Variants in AFAP1L1 observed in about 807,000 individuals in gnomAD.
AFAP1L1 encodes actin filament-associated protein 1-like 1.
AFAP1L1 carries 77 observed loss-of-function variants against 99.8 expected under a neutral mutation model. The ratio of observed to expected loss-of-function variants is 0.77; its 90% CI spans 0.64 to 0.93. The LOEUF is 0.93. AFAP1L1 is among the 40% of genes least tolerant of loss of function. The probability of loss-of-function intolerance (pLI) is 0.00; values close to 1 mark genes in which losing one functional copy is unlikely to be tolerated. For missense variants in AFAP1L1, 893 were observed against 996.8 expected (o/e 0.90, Z 1.40); for synonymous variants, 373 against 395.3 (o/e 0.94, Z 0.67).
chr5:149,306,717 T>C (rs1267628928), intron 6 of AFAP1L1, among the ~76,000 whole-genome samples: 1 of 152,168 alleles, frequency 6.6e-6, no homozygotes, highest in East Asian at 1.9e-4. Flanking sequence ...TTGCTGAAAA[T>C]AACGAGAGAC....
Position 149,342,523 on chromosome 5 carries a change from T to C in AFAP1L1, c.*2493T>C, listed in dbSNP as rs1757584647. Among the ~76,000 whole-genome samples, 1 of 152,194 alleles carries C rather than the reference T, an allele frequency of 6.6e-6. No homozygotes were observed. On this transcript the variant is annotated 3_prime_UTR_variant, in exon 19 of 19. Transcript: ENST00000296721. ...CTTAATAAATAGACGAATGAATGCA[T>C]GGATGCAAGCAGCAACCTGGTGAAC...
At chr5:149,309,191 TTACATTAAGGAGATC>T (rs1433852561) in intron 7 of AFAP1L1, among the ~76,000 whole-genome samples, 2 of 152,208 alleles carry the variant, frequency 1.3e-5, no homozygotes, top group African/African-American at 4.8e-5. Context: ...TTCCTTATTA[TTACATTAAGGAGATC>T]CCTCTATTCT....
At chr5:149,282,988 A>G (rs900554567) in intron 1 of AFAP1L1, among the ~76,000 whole-genome samples, 2 of 152,210 alleles carry the variant, frequency 1.3e-5, no homozygotes, top group African/African-American at 4.8e-5. Context: ...GAATGAGAAC[A>G]CTGAGCACAG....
At chr5:149,316,033 C>T in intron 10 of AFAP1L1, 118 bp from the exon 11 acceptor site, 1 of 1,574,080 alleles carries the variant, frequency 6.4e-7, no homozygotes, top group South Asian at 1.1e-5. Context: ...GGTGACCTGG[C>T]CTGCCATCCC....
intron 1 of AFAP1L1, among the ~76,000 whole-genome samples, chr5:149,277,829 CCA>C (rs1755385820): frequency 6.6e-6 from 1 of 152,164 alleles, no homozygotes; most frequent in Admixed American, 6.5e-5. Flanking sequence ...CAGAATTTAA[CCA>C]CACTCTGCAA....
At chr5:149,322,787 C>A in intron 15 of AFAP1L1, 70 bp downstream of exon 15, 1 of 1,272,240 alleles carries the variant, frequency 7.9e-7, no homozygotes. Context: ...GGAGGGATCT[C>A]AAAATCAGTT....
chr5:149,285,920 A>G (rs1370075817), intron 1 of AFAP1L1, among the ~76,000 whole-genome samples: 2 of 152,134 alleles, frequency 1.3e-5, no homozygotes, highest in Non-Finnish European at 1.5e-5. Flanking sequence ...GCCCCTCCCC[A>G]GTGCACCTGC....
At chr5:149,327,569 G>A (rs1337199763) in intron 15 of AFAP1L1, among the ~76,000 whole-genome samples, 1 of 151,592 alleles carries the variant, frequency 6.6e-6, no homozygotes, top group African/African-American at 2.4e-5. Flanking sequence ...ATATTGATGG[G>A]GCCTCCAATA....
At chr5:149,312,014 A>T in intron 8 of AFAP1L1, 98 bp from the exon 9 acceptor site, 1 of 1,108,802 alleles carries the variant, frequency 9.0e-7, no homozygotes. Flanking sequence ...AGTGGCCCTG[A>T]CCCTCTGTTC....
At chr5:149,275,088 A>T (rs1452869447) in intron 1 of AFAP1L1, among the ~76,000 whole-genome samples, 2 of 152,046 alleles carry the variant, frequency 1.3e-5, no homozygotes, top group African/African-American at 4.8e-5. Context: ...TAATAACTGA[A>T]ATCATCAAAC....
chr5:149,305,721 T>C (rs1222019539), intron 5 of AFAP1L1, among the ~76,000 whole-genome samples: 2 of 152,108 alleles, frequency 1.3e-5, no homozygotes, highest in Non-Finnish European at 2.9e-5. Flanking sequence ...TCTCCTCTAG[T>C]CCAATTCTTT....
At chr5:149,289,993 G>A (rs1342138748) in intron 1 of AFAP1L1, among the ~76,000 whole-genome samples, 1 of 152,236 alleles carries the variant, frequency 6.6e-6, no homozygotes, top group African/African-American at 2.4e-5. Context: ...CAGCACTTTG[G>A]GAGGCCGAGG....
chr5:149,302,044 A>G (rs1302820179), intron 4 of AFAP1L1, among the ~76,000 whole-genome samples: 4 of 152,208 alleles, frequency 2.6e-5, no homozygotes, highest in African/African-American at 9.6e-5. Context: ...GTCCTGCCTC[A>G]CTAAAGAACA....
In AFAP1L1 at chr5:149,340,039, T is replaced by A. The variant is rs1439836955; in HGVS notation, c.*9T>A. Reference sequence around the variant, plus strand: ...AAATGAAGAAGACCTAGGAAGAGGATGAGGATTTCATTCCAAAGGAAATAC... The same window carrying A: ...AAATGAAGAAGACCTAGGAAGAGGAAGAGGATTTCATTCCAAAGGAAATAC... On this transcript the variant is annotated 3_prime_UTR_variant, in exon 19 of 19. Transcript: ENST00000296721. 1.9e-6 allele frequency: 3 copies of A among 1,613,954 alleles called. No individual in the cohort carries two copies. The highest frequency in any genetic ancestry group is 2.5e-6 in the Non-Finnish European group (3 of 1,179,908).
intron 1 of AFAP1L1, among the ~76,000 whole-genome samples, chr5:149,280,146 T>G (rs1305701343): frequency 6.6e-6 from 1 of 152,270 alleles, no homozygotes; most frequent in Non-Finnish European, 1.5e-5. Context: ...GGATTCTCCA[T>G]GTCAATGATT....
intron 15 of AFAP1L1, among the ~76,000 whole-genome samples, chr5:149,329,078 T>C (rs1056400202): frequency 1.3e-5 from 2 of 152,176 alleles, no homozygotes; most frequent in Non-Finnish European, 2.9e-5. Flanking sequence ...AACAGTCTCC[T>C]TGACTTATAG....
rs201232986 is a variant in AFAP1L1 at position 149,329,696 on chromosome 5, G to A, written c.1841G>A (p.Arg614Gln). Residue 614 changes from arginine to glutamine, a missense_variant, in exon 16 of 19, where the codon CGA (arginine) becomes CAA (glutamine). Transcript: ENST00000296721. ...SANQYKYGKN[R>Q]AEEDARRYLV... is the part of the protein sequence containing the mutation. ...AATCAATACAAGTATGGCAAGAACC[G>A]AGCCGAGGAGGATGCCCGGAGGTAC... is the stretch of plus-strand genomic sequence containing the variant. The A allele has an allele frequency of 1.2e-5, 19 of 1,613,886 alleles. No homozygotes were observed. The highest frequency in any genetic ancestry group is 6.7e-5 in the East Asian group (3 of 44,902).
At chr5:149,308,019 T>A (rs1270574812) in intron 7 of AFAP1L1, among the ~76,000 whole-genome samples, 1 of 151,834 alleles carries the variant, frequency 6.6e-6, no homozygotes, top group African/African-American at 2.4e-5. Context: ...TAGCCAGGTG[T>A]GCGCCTGTAG....
At position 149,342,453 on chromosome 5, in the gene AFAP1L1, A is replaced by G. The variant is rs1382661236; in HGVS notation, c.*2423A>G. Among the ~76,000 whole-genome samples, 3 of 152,172 alleles carry G rather than the reference A, an allele frequency of 2.0e-5. No individual in the cohort carries two copies. Among genetic ancestry groups the G allele is most frequent in the African/African-American group, 4.8e-5 (2 of 41,428 alleles). On this transcript the variant is annotated 3_prime_UTR_variant, in exon 19 of 19. Coordinates refer to ENST00000296721, the MANE Select transcript of AFAP1L1 (RefSeq NM_152406.4). ...AATTTTAAAGCTCTATGTCATCCAT[A>G]TATCTCCCTCCCCTTGTACTGCAAC...
Sources: gnomAD v4.1 joint callset for allele counts (sites outside exome capture counted in the v4.1 genomes callset) on GRCh38, gnomAD v4.1.1 for gene constraint, MANE v1.5 for transcripts, NCBI Gene and HGNC (gene_info 2026-07-23, HGNC 2026-07-21) for gene names.